TXNL4B: variants seen among roughly 807,000 people sequenced by gnomAD.
TXNL4B encodes the protein thioredoxin-like protein 4B.
TXNL4B carries 12 observed loss-of-function variants against 13.0 expected under a neutral mutation model. That is an observed-to-expected ratio of 0.92 (90% confidence interval 0.59 to 1.49). TXNL4B has a LOEUF of 1.49. TXNL4B is among the 40% of genes most tolerant of loss of function. The pLI is 0.00. For missense variants in TXNL4B, 214 were observed against 173.6 expected (o/e 1.23, Z -1.31); for synonymous variants, 59 against 58.9 (o/e 1.00, Z -0.01).
At chr16:72,091,690 T>C (rs1479597493) in intron 1 of TXNL4B, among the ~76,000 whole-genome samples, 1 of 152,268 alleles carries the variant, frequency 6.6e-6, no homozygotes, top group Non-Finnish European at 1.5e-5. Flanking sequence ...TACTTTATAT[T>C]ATTACAAGTC....
At chr16:72,092,216 C>G (rs558550658) in intron 1 of TXNL4B, among the ~76,000 whole-genome samples, 3 of 152,352 alleles carry the variant, frequency 2.0e-5, no homozygotes, top group African/African-American at 7.2e-5. Context: ...CGAGACCAGC[C>G]TGGCCAACAT....
intron 1 of TXNL4B, 22 bp downstream of exon 1, chr16:72,093,345 G>A (rs978651270): frequency 3.3e-5 from 5 of 152,200 alleles, no homozygotes; most frequent in South Asian, 4.1e-4. Context: ...GCCCACAAGC[G>A]CTAAGGGACC....
At chr16:72,090,854 A>T in intron 1 of TXNL4B, 68 bp from the exon 2 acceptor site, 1 of 1,303,812 alleles carries the variant, frequency 7.7e-7, no homozygotes, top group East Asian at 2.3e-5. Flanking sequence ...AAAAAAAATT[A>T]ATTCACAGAG....
chr16:72,094,297 G>C (rs763308172), upstream of TXNL4B: 1 of 152,566 alleles, frequency 6.6e-6, no homozygotes, highest in African/African-American at 2.4e-5. Context: ...ATGCTGCCTG[G>C]AGTGGCCTTG....
chr16:72,089,005 T>G lies in TXNL4B; in HGVS notation c.266A>C (p.His89Pro). The G allele has an allele frequency of 1.2e-6, 2 of 1,610,760 alleles. No homozygotes were observed. Among genetic ancestry groups the G allele is most frequent in the Non-Finnish European group, 1.7e-6 (2 of 1,177,498 alleles). Residue 89 changes from histidine to proline, a missense_variant, in exon 3 of 4, where the codon CAT (histidine) becomes CCT (proline). By Grantham distance (77) the His-to-Pro change is moderately conservative. Coordinates refer to ENST00000268483, the MANE Select transcript of TXNL4B (RefSeq NM_017853.3). ...PSTVFFFNGQ[H>P]MKVDYGSPDH... The stretch of plus-strand genomic sequence containing the variant: ...CACTTACCCATAATCCACTTTCATA[T>G]GCTGCCCATTGAAGAAAAAGACAGT...
At chr16:72,090,546 G>A in intron 2 of TXNL4B, 72 bp downstream of exon 2, 1 of 1,510,606 alleles carries the variant, frequency 6.6e-7, no homozygotes, top group South Asian at 1.2e-5. Flanking sequence ...TCCCTCTCAT[G>A]TACTACTCAG....
rs185599110 is a variant in TXNL4B at position 72,085,275 on chromosome 16, G to A, written c.*1362C>T. The A allele has an allele frequency of 7.6e-5, 26 of 340,940 alleles. No homozygotes were observed. The Admixed American group carries it at 1.0e-3, about 13-fold the overall frequency. The allele number at this position is 340,940 out of a possible 1,614,324, so 21.1% of individuals were successfully genotyped here. On this transcript the variant is annotated 3_prime_UTR_variant, in exon 4 of 4. Coordinates refer to ENST00000268483, the MANE Select transcript of TXNL4B (RefSeq NM_017853.3). The stretch of plus-strand genomic sequence containing the variant: ...GGGCTGGACTTGCAGTGACAGTGCT[G>A]CTCTGAACAGGACTAGGCTTCTGTT...
At chr16:72,088,077 CCA>C (rs1451997870) in intron 3 of TXNL4B, among the ~76,000 whole-genome samples, 1 of 152,172 alleles carries the variant, frequency 6.6e-6, no homozygotes, top group Non-Finnish European at 1.5e-5. Flanking sequence ...CCTCGGCTTC[CCA>C]AAGTGCTGGG....
At chr16:72,088,446 A>G (rs1375026694) in intron 3 of TXNL4B, among the ~76,000 whole-genome samples, 2 of 152,264 alleles carry the variant, frequency 1.3e-5, no homozygotes, top group African/African-American at 4.8e-5. Context: ...TAAAGAGGAC[A>G]TCATGTTACT....
chr16:72,093,531 T>C lies in TXNL4B; in HGVS notation c.-202A>G, dbSNP rs974386772. 1.3e-5 allele frequency: 2 copies of C among 152,308 alleles called. No individual in the cohort carries two copies. The highest frequency in any genetic ancestry group is 4.8e-5 in the African/African-American group (2 of 41,474). 9.4% of individuals were successfully genotyped at this position (152,308 alleles called of 1,614,324 possible). On this transcript the variant is annotated 5_prime_UTR_variant, in exon 1 of 4. Transcript: ENST00000268483. The stretch of plus-strand genomic sequence containing the variant: ...TGCCTAGCAACCCTCGTGGCCCCGC[T>C]AGCGGGAAGGAAACCGAACAGAAAA...
rs776532541 is a variant in TXNL4B at position 72,086,756 on chromosome 16, C to A, written c.331G>T (p.Asp111Tyr). 1.2e-6 allele frequency: 2 copies of A among 1,613,274 alleles called. No individual in the cohort carries two copies. Among genetic ancestry groups the A allele is most frequent in the African/African-American group, 2.7e-5 (2 of 74,912 alleles). The change falls in exon 4 of 4, where the codon GAC becomes TAC. Residue 111 changes from aspartate to tyrosine, a missense_variant. Coordinates refer to ENST00000268483, the MANE Select transcript of TXNL4B (RefSeq NM_017853.3). ...ATTACTTCAATCAAATCTATGAAGT[C>A]TTGTTTGGTTTTGAAGCTTCCCACA... ...KFVGSFKTKQ[D>Y]FIDLIEVIYR...
chr16:72,092,753 A>G (rs2041931772), intron 1 of TXNL4B, among the ~76,000 whole-genome samples: 1 of 152,222 alleles, frequency 6.6e-6, no homozygotes. Flanking sequence ...GTCCATAGTA[A>G]ATGATACCCA....
intron 2 of TXNL4B, 68 bp downstream of exon 2, chr16:72,090,550 T>C (rs2041889791): frequency 6.5e-7 from 1 of 1,531,716 alleles, no homozygotes; most frequent in Non-Finnish European, 9.0e-7. Context: ...TCTCATGTAC[T>C]ACTCAGATGC....
At position 72,092,096 on chromosome 16, in the gene TXNL4B, A is replaced by AT. The variant is rs796909779; in HGVS notation, c.-38+1270dup. On this transcript the variant is annotated intron_variant, in intron 1 of 3. Transcript: ENST00000268483. ...ATGAAAAGGGAGGATTTCTTTTCCT[A>AT]TTTTTTTTGTCACAAGTCACATTTT... 5.4e-4 allele frequency among the ~76,000 whole-genome samples: 82 copies of AT among 152,006 alleles called. 1 individual carries two copies. In the South Asian group the frequency reaches 7.9e-3, roughly 15 times the overall value.
At chr16:72,088,737 C>T (rs564848583) in intron 3 of TXNL4B, among the ~76,000 whole-genome samples, 6 of 152,056 alleles carry the variant, frequency 3.9e-5, no homozygotes, top group East Asian at 1.9e-4. Flanking sequence ...ATACTTAAGT[C>T]GGAAATTAAA....
In TXNL4B at chr16:72,085,007, A is replaced by T. The variant is rs891139453; in HGVS notation, c.*1630T>A. 1.2e-4 allele frequency: 47 copies of T among 398,652 alleles called. No homozygotes were observed. Among genetic ancestry groups the T allele is most frequent in the Non-Finnish European group, 7.5e-5 (17 of 226,080 alleles). The allele number at this position is 398,652 out of a possible 1,614,324, so 24.7% of individuals were successfully genotyped here. On this transcript the variant is annotated 3_prime_UTR_variant, in exon 4 of 4. Coordinates refer to ENST00000268483, the MANE Select transcript of TXNL4B (RefSeq NM_017853.3). ...GTGATGCTGGGCACCTCGGGGACCT[A>T]AGATGGCTGTTGTAGCTCCATGCAT...
At position 72,085,668 on chromosome 16, in the gene TXNL4B, A is replaced by C. The variant is rs1334346899; in HGVS notation, c.*969T>G. The C allele has an allele frequency of 6.6e-6, 1 of 152,156 alleles. No individual in the cohort carries two copies. Among genetic ancestry groups the C allele is most frequent in the African/African-American group, 2.4e-5 (1 of 41,434 alleles). 9.4% of individuals were successfully genotyped at this position (152,156 alleles called of 1,614,324 possible). On this transcript the variant is annotated 3_prime_UTR_variant, in exon 4 of 4. Coordinates refer to ENST00000268483, the MANE Select transcript of TXNL4B (RefSeq NM_017853.3). ...ACCTGAATAGAGTGGTGGATGGTGA[A>C]GGTTCAAATTCTCACTTTCCATATT...
intron 3 of TXNL4B, among the ~76,000 whole-genome samples, chr16:72,088,714 G>A (rs1262445139): frequency 3.9e-5 from 6 of 152,058 alleles, no homozygotes; most frequent in African/African-American, 1.4e-4. Context: ...TTTGCCACCT[G>A]TACTATTTCT....
chr16:72,090,753 G>C lies in TXNL4B; in HGVS notation c.-4C>G, dbSNP rs1334868942. 2 of 1,613,938 alleles carry C rather than the reference G, an allele frequency of 1.2e-6. No homozygotes were observed. Among genetic ancestry groups the C allele is most frequent in the Admixed American group, 1.7e-5 (1 of 59,998 alleles). Reference sequence around the variant, plus strand: ...GCTTGGGCAGTAGGAAGCTCATCTTGAAATAACCCAAATGTGAATCCTCAC... The same window carrying C: ...GCTTGGGCAGTAGGAAGCTCATCTTCAAATAACCCAAATGTGAATCCTCAC... On this transcript the variant is annotated 5_prime_UTR_variant, in exon 2 of 4. Transcript: ENST00000268483.
Sources: gnomAD v4.1 joint callset for allele counts (sites outside exome capture counted in the v4.1 genomes callset) on GRCh38, gnomAD v4.1.1 for gene constraint, MANE v1.5 for transcripts, NCBI Gene and HGNC (gene_info 2026-07-23, HGNC 2026-07-21) for gene names.